Variants in CCSER1 observed in about 807,000 individuals in gnomAD.
CCSER1 encodes the protein serine-rich coiled-coil domain-containing protein 1.
A neutral mutation model predicts 82.0 loss-of-function variants in CCSER1; 41 were observed. The ratio of observed to expected loss-of-function variants is 0.50; its 90% CI spans 0.39 to 0.65. CCSER1 has a LOEUF of 0.65. Ranked by LOEUF, CCSER1 falls within the 30% of genes least tolerant of loss-of-function variation. The pLI is 0.00. For missense variants in CCSER1, 1,119 were observed against 1,064.2 expected, an observed-to-expected ratio of 1.05 and a Z score of -0.72; for synonymous variants, 414 against 383.9, an observed-to-expected ratio of 1.08 and a Z score of -0.92.
intron 8 of CCSER1, among the ~76,000 whole-genome samples, chr4:90,847,184 G>T (rs1437139397): frequency 6.6e-6 from 1 of 152,052 alleles, no homozygotes; most frequent in African/African-American, 2.4e-5. Context: ...TCACAACTTG[G>T]TGATCAAAGG....
chr4:90,211,570 C>T (rs1740007119), intron 1 of CCSER1, among the ~76,000 whole-genome samples: 1 of 152,282 alleles, frequency 6.6e-6, no homozygotes, highest in Admixed American at 6.5e-5. Context: ...TTTGACTCTG[C>T]TTTCAAATGG....
intron 10 of CCSER1, among the ~76,000 whole-genome samples, chr4:91,119,094 C>A (rs1466881084): frequency 6.6e-6 from 1 of 152,130 alleles, no homozygotes; most frequent in African/African-American, 2.4e-5. Context: ...GGCAGATGTT[C>A]TTTTCTGGTA....
intron 10 of CCSER1, among the ~76,000 whole-genome samples, chr4:91,456,243 G>A (rs1241368465): frequency 6.6e-6 from 1 of 152,020 alleles, no homozygotes; most frequent in African/African-American, 2.4e-5. Flanking sequence ...CATAAGGACA[G>A]TATTCCCTTT....
At chr4:90,830,138 G>A (rs554746813) in intron 8 of CCSER1, among the ~76,000 whole-genome samples, 148 of 152,232 alleles carry the variant, frequency 9.7e-4, no homozygotes, top group African/African-American at 3.5e-3. Flanking sequence ...CTAGTGAGTC[G>A]GGGAGAGACC....
At chr4:90,909,212 C>T (rs1725960715) in intron 8 of CCSER1, among the ~76,000 whole-genome samples, 1 of 152,166 alleles carries the variant, frequency 6.6e-6, no homozygotes, top group African/African-American at 2.4e-5. Flanking sequence ...TTATAAAGAA[C>T]ACTTGTCTTA....
chr4:90,273,688 C>G (rs1162584811), intron 1 of CCSER1, among the ~76,000 whole-genome samples: 1 of 152,060 alleles, frequency 6.6e-6, no homozygotes, highest in Non-Finnish European at 1.5e-5. Flanking sequence ...TATTGAAAAA[C>G]ACATTCTGAG....
intron 4 of CCSER1, among the ~76,000 whole-genome samples, chr4:90,457,983 T>C (rs1762402420): frequency 6.6e-6 from 1 of 152,070 alleles, no homozygotes; most frequent in African/African-American, 2.4e-5. Context: ...GGTGTGTCGG[T>C]GCCACCCTGA....
At chr4:91,296,293 C>T (rs1744155975) in intron 10 of CCSER1, among the ~76,000 whole-genome samples, 1 of 151,144 alleles carries the variant, frequency 6.6e-6, no homozygotes, top group African/African-American at 2.4e-5. Flanking sequence ...ACACCACTCC[C>T]TTAGAAACAT....
intron 1 of CCSER1, among the ~76,000 whole-genome samples, chr4:90,157,882 T>A (rs899073977): frequency 2.6e-5 from 4 of 152,234 alleles, no homozygotes; most frequent in Non-Finnish European, 4.4e-5. Context: ...CTCGTCAAAG[T>A]CATTCTCCGT....
At chr4:91,589,466 G>C (rs1412159437) in intron 10 of CCSER1, among the ~76,000 whole-genome samples, 1 of 151,748 alleles carries the variant, frequency 6.6e-6, no homozygotes, top group Non-Finnish European at 1.5e-5. Flanking sequence ...GACATTATGT[G>C]AATCTAAAGA....
chr4:91,282,975 G>A (rs950573303), intron 10 of CCSER1, among the ~76,000 whole-genome samples: 5 of 151,952 alleles, frequency 3.3e-5, no homozygotes, highest in African/African-American at 1.2e-4. Flanking sequence ...GAGCTTTACA[G>A]AGTAAATGTT....
At chr4:90,667,389 A>T (rs1017843109) in intron 6 of CCSER1, among the ~76,000 whole-genome samples, 1 of 152,076 alleles carries the variant, frequency 6.6e-6, no homozygotes, top group Admixed American at 6.5e-5. Context: ...ACATGTGCAG[A>T]ACATTCAGGT....
At chr4:90,616,738 C>CACAAATA (rs1387107494) in intron 5 of CCSER1, among the ~76,000 whole-genome samples, 3 of 57,764 alleles carry the variant, frequency 5.2e-5, no homozygotes, top group African/African-American at 2.6e-4. Flanking sequence ...CACACACACA[C>CACAAATA]AAATAAAATA....
intron 1 of CCSER1, among the ~76,000 whole-genome samples, chr4:90,145,137 A>G (rs892357083): frequency 2.0e-5 from 3 of 152,126 alleles, no homozygotes; most frequent in Non-Finnish European, 4.4e-5. Flanking sequence ...TTGAAATGCT[A>G]ATTCTATTTT....
intron 9 of CCSER1, among the ~76,000 whole-genome samples, chr4:91,072,329 G>A (rs189885615): frequency 5.3e-5 from 8 of 152,136 alleles, no homozygotes. Flanking sequence ...TATTTCAATT[G>A]AATTTCACAT....
chr4:91,032,476 A>C (rs542677186), intron 9 of CCSER1, among the ~76,000 whole-genome samples: 6 of 152,338 alleles, frequency 3.9e-5, no homozygotes, highest in African/African-American at 1.4e-4. Context: ...GTACGATTGC[A>C]GAAAAAGGAC....
At chr4:90,935,523 A>G (rs1351848648) in intron 9 of CCSER1, among the ~76,000 whole-genome samples, 1 of 152,184 alleles carries the variant, frequency 6.6e-6, no homozygotes, top group Admixed American at 6.5e-5. Context: ...GCAATGCAAA[A>G]TGGACTAAGA....
chr4:90,955,885 T>C (rs1733381415), intron 9 of CCSER1, among the ~76,000 whole-genome samples: 1 of 152,152 alleles, frequency 6.6e-6, no homozygotes, highest in Admixed American at 6.6e-5. Context: ...TCCTTACCAT[T>C]CAATCTAAAG....
At chr4:91,298,589 G>A (rs1028785795) in intron 10 of CCSER1, among the ~76,000 whole-genome samples, 2 of 152,012 alleles carry the variant, frequency 1.3e-5, no homozygotes, top group East Asian at 1.9e-4. Context: ...GAACATACAA[G>A]AGCGTGGGAA....
Sources: allele counts gnomAD v4.1 joint callset (sites outside exome capture counted in the v4.1 genomes callset), GRCh38; gene constraint gnomAD v4.1.1; transcripts MANE v1.5; gene names NCBI Gene and HGNC (gene_info 2026-07-23, HGNC 2026-07-21).